Variants in TIMM23 observed in about 807,000 individuals in gnomAD.
The protein encoded by TIMM23 is translocase of inner mitochondrial membrane 23, also known as mitochondrial import inner membrane translocase subunit Tim23.
In TIMM23, 19 loss-of-function variants were observed where a neutral mutation model predicts 30.7. The observed-to-expected ratio is 0.62, with a 90% CI of 0.43 to 0.91. TIMM23 has a LOEUF of 0.91. Among genes scored for constraint, TIMM23 ranks in the 40% least tolerant of loss-of-function variants. TIMM23 has a pLI of 0.00. For synonymous variants in TIMM23, 78 were observed against 98.5 expected (o/e 0.79, Z 1.23); for missense variants, 202 against 269.2 (o/e 0.75, Z 1.75).
chr10:45,984,791 C>A (rs1375020917), intron 4 of TIMM23: 18,898 of 313,822 alleles, frequency 0.06, 786 homozygotes, highest in Middle Eastern at 0.1. Flanking sequence ...CTGCTTGGTT[C>A]TAGTCTAGGA....
chr10:45,979,744 C>T (rs1310618768), intron 2 of TIMM23, among the ~76,000 whole-genome samples: 1 of 149,530 alleles, frequency 6.7e-6, no homozygotes, highest in African/African-American at 2.5e-5. Flanking sequence ...GTTGATGGTT[C>T]GGACCTTGCC....
At chr10:45,991,337 T>C (rs1838157448) in intron 6 of TIMM23, among the ~76,000 whole-genome samples, 2 of 152,338 alleles carry the variant, frequency 1.3e-5, no homozygotes, top group Admixed American at 1.3e-4. Flanking sequence ...GAATTATCTC[T>C]GAGGAAGATT....
At chr10:45,989,335 T>C (rs1838088231) in intron 6 of TIMM23, among the ~76,000 whole-genome samples, 1 of 152,234 alleles carries the variant, frequency 6.6e-6, no homozygotes, top group Admixed American at 6.5e-5. Context: ...CTAAATAATA[T>C]TCATTCTGTG....
chr10:45,984,970 G>A (rs1225577200), intron 4 of TIMM23, among the ~76,000 whole-genome samples: 1 of 151,956 alleles, frequency 6.6e-6, no homozygotes, highest in Non-Finnish European at 1.5e-5. Flanking sequence ...CTCCCAAAAA[G>A]AACCTTTTAG....
intron 5 of TIMM23, among the ~76,000 whole-genome samples, chr10:45,986,417 C>G (rs1837989790): frequency 6.7e-6 from 1 of 149,360 alleles, no homozygotes; most frequent in South Asian, 2.2e-4. Context: ...AATCACCCCC[C>G]GCCCACCCCG....
intron 6 of TIMM23, among the ~76,000 whole-genome samples, chr10:46,002,808 GTA>G (rs1200333849): frequency 1.7e-5 from 2 of 115,478 alleles, no homozygotes; most frequent in Non-Finnish European, 3.6e-5. Flanking sequence ...CCATTTCATA[GTA>G]TTTTTTTTTT....
intron 2 of TIMM23, among the ~76,000 whole-genome samples, chr10:45,980,291 G>T (rs1479479490): frequency 5.3e-5 from 8 of 150,914 alleles, no homozygotes; most frequent in Non-Finnish European, 1.2e-4. Flanking sequence ...TAGACACAGG[G>T]TCTCACTGTG....
At position 45,998,628 on chromosome 10, in the gene TIMM23, G is replaced by T. The variant is rs1293127455; in HGVS notation, c.515-4575G>T. The stretch of plus-strand genomic sequence containing the variant: ...ACAATTAGAACATGGCTGGTATGTG[G>T]TAAAAGGCCACCCTTGAGTAAAGAT... On this transcript the variant is annotated intron_variant, in intron 6 of 6. Coordinates refer to ENST00000580018, the MANE Select transcript of TIMM23 (RefSeq NM_006327.4). Among the ~76,000 whole-genome samples the T allele has an allele frequency of 3.9e-5, 6 of 152,242 alleles. No individual in the cohort carries two copies. The South Asian group carries it at 8.3e-4, about 21-fold the overall frequency.
chr10:46,002,181 C>G (rs1340079601), intron 6 of TIMM23, among the ~76,000 whole-genome samples: 5 of 151,870 alleles, frequency 3.3e-5, no homozygotes, highest in Non-Finnish European at 5.9e-5. Flanking sequence ...TTATAGCTAT[C>G]TTACCACATT....
chr10:45,978,512 C>T (rs1240747737), intron 2 of TIMM23, among the ~76,000 whole-genome samples: 1 of 152,202 alleles, frequency 6.6e-6, no homozygotes, highest in South Asian at 2.1e-4. Flanking sequence ...AGACATTTCT[C>T]TATGAAGATA....
intron 5 of TIMM23, among the ~76,000 whole-genome samples, chr10:45,985,745 T>C (rs1487733521): frequency 2.4e-4 from 36 of 152,226 alleles, no homozygotes; most frequent in African/African-American, 8.7e-4. Context: ...GTAATTTAGG[T>C]CCAAAGTAAA....
At chr10:45,997,943 GAAT>G (rs1270783335) in intron 6 of TIMM23, among the ~76,000 whole-genome samples, 1 of 152,080 alleles carries the variant, frequency 6.6e-6, no homozygotes, top group Non-Finnish European at 1.5e-5. Flanking sequence ...ATTCTTAAAA[GAAT>G]AAAGTTTTTT....
At chr10:45,996,981 A>AG (rs1838358043) in intron 6 of TIMM23, among the ~76,000 whole-genome samples, 1 of 151,254 alleles carries the variant, frequency 6.6e-6, no homozygotes, top group Non-Finnish European at 1.5e-5. Context: ...AAAAAAAAAA[A>AG]AAAAGATAGA....
chr10:46,003,093 C>T (rs7350422), intron 6 of TIMM23, 110 bp from the exon 7 acceptor site: 44 of 816,788 alleles, frequency 5.4e-5, no homozygotes, highest in Non-Finnish European at 8.0e-5. Flanking sequence ...CTGGGATTAC[C>T]TGAGCCACCG....
At chr10:46,002,322 C>T (rs1251724838) in intron 6 of TIMM23, 2 of 155,392 alleles carry the variant, frequency 1.3e-5, no homozygotes, top group Non-Finnish European at 2.8e-5. Context: ...ACCACAGGCG[C>T]ATGCCACCCC....
intron 6 of TIMM23, among the ~76,000 whole-genome samples, chr10:45,996,378 T>C (rs1838332666): frequency 6.7e-6 from 1 of 148,870 alleles, no homozygotes; most frequent in South Asian, 2.1e-4. Context: ...AGAAATGTTA[T>C]GAAAAATTTG....
chr10:45,992,621 A>G (rs1554916011), intron 6 of TIMM23: 2 of 422,612 alleles, frequency 4.7e-6, no homozygotes, highest in Non-Finnish European at 4.6e-6. Flanking sequence ...GCAGTGGCAC[A>G]ATCTTGGCTC....
At chr10:45,995,309 G>A (rs1345123446) in intron 6 of TIMM23, among the ~76,000 whole-genome samples, 20 of 151,960 alleles carry the variant, frequency 1.3e-4, no homozygotes, top group African/African-American at 4.8e-4. Flanking sequence ...TCTGTCTTAA[G>A]AATACATATA....
At chr10:45,974,407 G>T (rs1486372770) in intron 1 of TIMM23, among the ~76,000 whole-genome samples, 1 of 152,172 alleles carries the variant, frequency 6.6e-6, no homozygotes. Flanking sequence ...TGGGAGGCAA[G>T]TATCCAGGAA....
Sources: allele counts gnomAD v4.1 joint callset (sites outside exome capture counted in the v4.1 genomes callset), GRCh38; gene constraint gnomAD v4.1.1; transcripts MANE v1.5; gene names NCBI Gene and HGNC (gene_info 2026-07-23, HGNC 2026-07-21).